The following FREM1 variants were observed in gnomAD, a reference collection of about 807,000 sequenced individuals.
The protein encoded by FREM1 is FRAS1 related extracellular matrix 1, also known as FRAS1-related extracellular matrix protein 1.
Under a neutral mutation model 210.1 loss-of-function variants are expected in FREM1, and 220 were observed. The ratio of observed to expected loss-of-function variants is 1.05; its 90% confidence interval spans 0.94 to 1.17. FREM1 has a LOEUF of 1.17. Among genes scored for constraint, FREM1 ranks in the 50% most tolerant of loss-of-function variants. The pLI, the probability that FREM1 is intolerant of heterozygous loss-of-function variation, is 0.00. For missense variants in FREM1, 3,454 were observed against 2,675.5 expected, an observed-to-expected ratio of 1.29 and a Z score of -6.42; for synonymous variants, 1,189 against 980.2, an observed-to-expected ratio of 1.21 and a Z score of -3.98.
chr9:14,811,167 T>C (rs1819327085), intron 16 of FREM1, among the ~76,000 whole-genome samples: 2 of 152,280 alleles, frequency 1.3e-5, no homozygotes, highest in East Asian at 3.9e-4. Flanking sequence ...TTGAATCGAG[T>C]ATTCCTTCTA....
chr9:14,774,393 GC>G lies in FREM1; in HGVS notation c.4857+1395del, dbSNP rs200554354. On this transcript the variant is annotated intron_variant, in intron 25 of 36. Coordinates refer to ENST00000380880, the MANE Select transcript of FREM1 (RefSeq NM_001379081.2). ...AATGTTGCCTCCAGACTGCCTTTGG[GC>G]TAAAGATTGCAACGTTAACTCCTGC... Among the ~76,000 whole-genome samples, 167 of 152,270 alleles carry G rather than the reference GC, an allele frequency of 1.1e-3. 6 individuals are homozygous for G. The East Asian group carries it at 0.029, about 26-fold the overall frequency.
intron 1 of FREM1, among the ~76,000 whole-genome samples, chr9:14,878,499 A>G (rs754062395): frequency 1.3e-5 from 2 of 152,174 alleles, no homozygotes; most frequent in Non-Finnish European, 2.9e-5. Flanking sequence ...ATCTCCTAGC[A>G]TTCTTTACCA....
At chr9:14,901,052 G>A (rs1838699504) in intron 1 of FREM1, among the ~76,000 whole-genome samples, 1 of 152,092 alleles carries the variant, frequency 6.6e-6, no homozygotes, top group African/African-American at 2.4e-5. Context: ...TTTGTTCCTT[G>A]CTGCGACTCT....
chr9:14,830,762 G>A (rs371756060), intron 10 of FREM1, among the ~76,000 whole-genome samples: 2 of 152,002 alleles, frequency 1.3e-5, no homozygotes, highest in Admixed American at 6.6e-5. Flanking sequence ...TATCTAAACC[G>A]GCATGAGGGC....
intron 14 of FREM1, among the ~76,000 whole-genome samples, chr9:14,817,788 T>A (rs933339948): frequency 6.6e-6 from 1 of 152,192 alleles, no homozygotes; most frequent in Admixed American, 6.5e-5. Flanking sequence ...TCCCTTCCTA[T>A]GGTGGGGAAG....
intron 1 of FREM1, among the ~76,000 whole-genome samples, chr9:14,883,863 T>G (rs1037042331): frequency 6.6e-6 from 1 of 152,110 alleles, no homozygotes; most frequent in Non-Finnish European, 1.5e-5. Context: ...TCGGCAGAAT[T>G]ATTGGGGGCA....
At chr9:14,814,238 C>A (rs1436084398) in intron 15 of FREM1, among the ~76,000 whole-genome samples, 1 of 152,096 alleles carries the variant, frequency 6.6e-6, no homozygotes, top group Non-Finnish European at 1.5e-5. Context: ...CGTATAGAAC[C>A]ATCTAAATTT....
intron 1 of FREM1, among the ~76,000 whole-genome samples, chr9:14,903,571 T>C (rs1817092095): frequency 6.6e-6 from 1 of 152,194 alleles, no homozygotes; most frequent in Non-Finnish European, 1.5e-5. Context: ...TCATTTCATC[T>C]GGAAAGACTT....
chr9:14,900,317 T>C (rs1223449153), intron 1 of FREM1, among the ~76,000 whole-genome samples: 3 of 152,176 alleles, frequency 2.0e-5, no homozygotes, highest in Admixed American at 1.3e-4. Flanking sequence ...GCAACCAGGA[T>C]GGAGAACCAC....
In FREM1 at chr9:14,868,873, C is replaced by T; in HGVS notation, c.105G>A (p.Met35Ile). The T allele has an allele frequency of 6.2e-7, 1 of 1,607,846 alleles. No homozygotes were observed. Among genetic ancestry groups the T allele is most frequent in the South Asian group, 1.1e-5 (1 of 89,590 alleles). ...FISINRGVRV[M>I]KGHSAFLSGD... ...CTGACAGGAAGGCAGAGTGGCCCTTCATCACCCTCACCCCGCGGTTGATGC... is the reference window on the plus strand; with the variant it reads ...CTGACAGGAAGGCAGAGTGGCCCTTTATCACCCTCACCCCGCGGTTGATGC... Residue 35 changes from methionine (M) to isoleucine (I), a missense_variant, in exon 2 of 37, where the codon ATG becomes ATA. Met to Ile is a conservative substitution (Grantham distance 10). Coordinates refer to ENST00000380880, the MANE Select transcript of FREM1 (RefSeq NM_001379081.2).
chr9:14,788,932 C>G lies in FREM1; in HGVS notation c.4164G>C (p.Lys1388Asn). ...SPALDCQITIKDMEKGDIVIL... is the reference protein window; with the variant it reads ...SPALDCQITINDMEKGDIVIL... ...ACGTGCTTTTACCTTTTTCCATGTC[C>G]TTGATGGTGATTTGACAGTCAAGAG... The change falls in exon 23 of 37, where the codon AAG (lysine) becomes AAC (asparagine). Residue 1388 changes from lysine (K) to asparagine (N), a missense_variant. Physicochemically the swap from Lys to Asn is moderately conservative, Grantham distance 94. Transcript: ENST00000380880. The G allele has an allele frequency of 6.2e-7, 1 of 1,611,900 alleles. No homozygotes were observed. The highest frequency in any genetic ancestry group is 8.5e-7 in the Non-Finnish European group (1 of 1,179,008).
intron 25 of FREM1, chr9:14,774,162 C>G (rs750131758): frequency 1.9e-6 from 1 of 518,642 alleles, no homozygotes; most frequent in Admixed American, 1.9e-5. Flanking sequence ...ATCCAGCATC[C>G]ACTCTATGAT....
chr9:14,761,682 G>C (rs1380588389), intron 27 of FREM1, among the ~76,000 whole-genome samples: 1 of 152,206 alleles, frequency 6.6e-6, no homozygotes, highest in Non-Finnish European at 1.5e-5. Context: ...TCTGAGTAGT[G>C]TGATGAAATC....
At chr9:14,892,438 C>A (rs1166068775) in intron 1 of FREM1, among the ~76,000 whole-genome samples, 1 of 152,110 alleles carries the variant, frequency 6.6e-6, no homozygotes, top group Non-Finnish European at 1.5e-5. Context: ...TAATAAAAGG[C>A]AAGGACGCTT....
chr9:14,885,076 C>T (rs1186042033), intron 1 of FREM1, among the ~76,000 whole-genome samples: 1 of 147,706 alleles, frequency 6.8e-6, no homozygotes, highest in Non-Finnish European at 1.5e-5. Context: ...AGCTGCCCGC[C>T]ACCGCGCCCG....
Position 14,813,059 on chromosome 9 carries a change from G to A in FREM1, c.2646C>T (p.Phe882=), listed in dbSNP as rs1452195341. 1 of 1,605,668 alleles carries A rather than the reference G, an allele frequency of 6.2e-7. No homozygotes were observed. Among genetic ancestry groups the A allele is most frequent in the South Asian group, 1.1e-5 (1 of 90,102 alleles). ...AGACTGGTGGCTCATCGTTGACAGG[G>A]AATACCTAGGCAATGGAAAAAATGC... is the stretch of plus-strand genomic sequence containing the variant. ...SAEFVLHVEV[F]PVNDEPPVLK... is the part of the protein sequence containing the mutation. The change falls in exon 16 of 37, where the codon TTC becomes TTT. Residue 882 remains phenylalanine (F), a synonymous_variant. Coordinates refer to ENST00000380880, the MANE Select transcript of FREM1 (RefSeq NM_001379081.2).
intron 18 of FREM1, among the ~76,000 whole-genome samples, chr9:14,806,051 T>C (rs913442218): frequency 6.6e-6 from 1 of 152,212 alleles, no homozygotes; most frequent in Non-Finnish European, 1.5e-5. Flanking sequence ...CATGGTATCC[T>C]GTGTTGCTAT....
intron 35 of FREM1, among the ~76,000 whole-genome samples, chr9:14,743,525 C>T (rs115434795): frequency 0.023 from 3,505 of 152,078 alleles, 87 homozygotes; most frequent in African/African-American, 0.062. Flanking sequence ...CACCACCATC[C>T]ATGACTGAAT....
chr9:14,786,085 T>C (rs1305321994), intron 23 of FREM1, among the ~76,000 whole-genome samples: 1 of 152,190 alleles, frequency 6.6e-6, no homozygotes, highest in Non-Finnish European at 1.5e-5. Flanking sequence ...CTACTCTATG[T>C]CAGGTACAGA....
Sources: gnomAD v4.1 joint callset for allele counts (sites outside exome capture counted in the v4.1 genomes callset) on GRCh38, gnomAD v4.1.1 for gene constraint, MANE v1.5 for transcripts, NCBI Gene and HGNC (gene_info 2026-07-23, HGNC 2026-07-21) for gene names.